Variants in CES5A observed in about 807,000 individuals in gnomAD.
The protein encoded by CES5A is carboxylesterase 5A.
Under a neutral mutation model 62.9 loss-of-function variants are expected in CES5A, and 67 were observed. The observed-to-expected ratio is 1.07, with a 90% CI of 0.88 to 1.31. CES5A has a LOEUF of 1.31. CES5A is among the 50% of genes most tolerant of loss of function. The pLI is 0.00. For synonymous variants in CES5A, 296 were observed against 280.8 expected, an observed-to-expected ratio of 1.05 and a Z score of -0.54; for missense variants, 748 against 708.5, an observed-to-expected ratio of 1.06 and a Z score of -0.63.
intron 1 of CES5A, among the ~76,000 whole-genome samples, chr16:55,916,721 C>T (rs1235143364): frequency 2.6e-5 from 4 of 152,188 alleles, no homozygotes; most frequent in African/African-American, 9.6e-5. Context: ...AAAGTAAACA[C>T]AGCTTTAGTG....
chr16:55,919,175 G>T (rs1471018898), intron 1 of CES5A, among the ~76,000 whole-genome samples: 1 of 152,262 alleles, frequency 6.6e-6, no homozygotes, highest in African/African-American at 2.4e-5. Context: ...TGAACAGGCT[G>T]AGTCGCCCCA....
At chr16:55,942,003 A>G (rs551273216) in intron 2 of CES5A, among the ~76,000 whole-genome samples, 5 of 152,324 alleles carry the variant, frequency 3.3e-5, no homozygotes, top group South Asian at 2.1e-4. Flanking sequence ...AATGTTTTTA[A>G]CAGAAGCGCT....
At chr16:55,924,744 T>G in intron 1 of CES5A, among the ~76,000 whole-genome samples, 1 of 151,538 alleles carries the variant, frequency 6.6e-6, no homozygotes, top group East Asian at 1.9e-4. Flanking sequence ...TGAAACAGAG[T>G]AGAGAACACA....
intron 9 of CES5A, among the ~76,000 whole-genome samples, chr16:55,854,314 T>C (rs1398252069): frequency 6.6e-6 from 1 of 152,080 alleles, no homozygotes; most frequent in Non-Finnish European, 1.5e-5. Context: ...CCCACTCTAC[T>C]TGAAATGTCC....
At chr16:55,922,329 T>C (rs908610908) in intron 1 of CES5A, among the ~76,000 whole-genome samples, 2 of 151,492 alleles carry the variant, frequency 1.3e-5, no homozygotes, top group Admixed American at 1.3e-4. Context: ...ACACAGAGAC[T>C]GAAAGTGAAA....
chr16:55,952,899 C>A (rs2034573641), intron 1 of CES5A, among the ~76,000 whole-genome samples: 1 of 152,150 alleles, frequency 6.6e-6, no homozygotes, highest in Non-Finnish European at 1.5e-5. Context: ...AAAAACTACT[C>A]TAACTCGTTC....
At chr16:55,874,185 A>T in intron 1 of CES5A, 148 bp from the exon 2 acceptor site, 1 of 696,970 alleles carries the variant, frequency 1.4e-6, no homozygotes, top group Non-Finnish European at 2.4e-6. Flanking sequence ...CCATGAATCC[A>T]GTTCCATGGC....
rs147591632 is a variant in CES5A at position 55,874,669 on chromosome 16, T to C, written c.73+480A>G. Among the ~76,000 whole-genome samples the C allele has an allele frequency of 6.0e-3, 915 of 152,310 alleles. 10 individuals carry two copies. The highest frequency in any genetic ancestry group is 0.017 in the African/African-American group (706 of 41,580). ...TACTTCCTGAAATCAACTCGTCTAC[T>C]TCCAGGAGCATAAAGATGGCACTTT... is the stretch of plus-strand genomic sequence containing the variant. On this transcript the variant is annotated intron_variant, in intron 1 of 12. Transcript: ENST00000290567.
At chr16:55,905,073 T>C (rs1287467830) in intron 1 of CES5A, among the ~76,000 whole-genome samples, 1 of 152,206 alleles carries the variant, frequency 6.6e-6, no homozygotes, top group Non-Finnish European at 1.5e-5. Flanking sequence ...CATGGCTACT[T>C]GAGTCTCAAG....
intron 4 of CES5A, among the ~76,000 whole-genome samples, chr16:55,867,680 G>A (rs2033492229): frequency 6.6e-6 from 1 of 152,104 alleles, no homozygotes; most frequent in Admixed American, 6.5e-5. Context: ...ATACCTTAGT[G>A]GTTACTATCT....
In CES5A at chr16:55,863,447, C is replaced by G. The variant is rs371382073; in HGVS notation, c.711G>C (p.Leu237=). ...AGAISVSSLI[L]SPMAKGLFHK... is the part of the protein sequence containing the mutation. ...GGAATAAGCCTTTGGCCATGGGAGA[C>G]AGTATCTGGAGAGAGAACACAGAAG... Residue 237 remains leucine (L), a synonymous_variant, in exon 6 of 13, where the codon CTG becomes CTC. Coordinates refer to ENST00000290567, the MANE Select transcript of CES5A (RefSeq NM_001143685.2). 259 of 1,560,190 alleles carry G rather than the reference C, an allele frequency of 1.7e-4. No homozygotes were observed. The highest frequency in any genetic ancestry group is 2.0e-4 in the Non-Finnish European group (231 of 1,132,622).
At chr16:55,870,321 A>G (rs2033557442) in intron 3 of CES5A, among the ~76,000 whole-genome samples, 1 of 151,928 alleles carries the variant, frequency 6.6e-6, no homozygotes, top group South Asian at 2.1e-4. Flanking sequence ...GAGGAGAAGG[A>G]GAAGAAGAAA....
chr16:55,915,278 T>C (rs946402610), intron 1 of CES5A, among the ~76,000 whole-genome samples: 2 of 152,192 alleles, frequency 1.3e-5, no homozygotes, highest in African/African-American at 2.4e-5. Flanking sequence ...AAGGCCCTAA[T>C]TGGATGCCAG....
upstream of CES5A, among the ~76,000 whole-genome samples, chr16:55,878,090 C>T (rs183704432): frequency 1.3e-5 from 2 of 152,144 alleles, no homozygotes; most frequent in Admixed American, 1.3e-4. Context: ...GAGACACAGA[C>T]CTTTGATAGG....
At position 55,898,651 on chromosome 16, in the gene CES5A, C is replaced by T. The variant is rs112949076; in HGVS notation, c.-255-24614G>A. On this transcript the variant is annotated intron_variant, in intron 1 of 12. Coordinates refer to the CES5A transcript ENST00000518005. Reference sequence around the variant, plus strand: ...TGCTTTAAAGTCTCATCTCCAATTACGGAAAAAAGGTTTCATCCTCATAAA... The same window carrying T: ...TGCTTTAAAGTCTCATCTCCAATTATGGAAAAAAGGTTTCATCCTCATAAA... Among the ~76,000 whole-genome samples the T allele has an allele frequency of 2.7e-3, 414 of 152,270 alleles. 1 individual carries two copies. Among genetic ancestry groups the T allele is most frequent in the Non-Finnish European group, 4.6e-3 (311 of 68,014 alleles).
chr16:55,931,151 C>T (rs953447112), intron 2 of CES5A, among the ~76,000 whole-genome samples: 1 of 152,216 alleles, frequency 6.6e-6, no homozygotes, highest in South Asian at 2.1e-4. Context: ...TTTTTCCACT[C>T]CACCCTCTGC....
chr16:55,903,061 A>T (rs909097913), intron 1 of CES5A, among the ~76,000 whole-genome samples: 8 of 152,214 alleles, frequency 5.3e-5, no homozygotes, highest in African/African-American at 1.9e-4. Flanking sequence ...ACTAGGCATC[A>T]GTCTGAAATG....
chr16:55,938,514 G>T (rs1462985595), intron 2 of CES5A, among the ~76,000 whole-genome samples: 1 of 151,456 alleles, frequency 6.6e-6, no homozygotes, highest in Non-Finnish European at 1.5e-5. Flanking sequence ...AAGGTGGGTG[G>T]ATCACAAGGT....
intron 1 of CES5A, among the ~76,000 whole-genome samples, chr16:55,908,014 G>A (rs1267026912): frequency 6.6e-6 from 1 of 152,086 alleles, no homozygotes. Context: ...ATATGCCACT[G>A]TCCCCAGAAG....
Sources: gnomAD v4.1 joint callset for allele counts (sites outside exome capture counted in the v4.1 genomes callset) on GRCh38, gnomAD v4.1.1 for gene constraint, MANE v1.5 for transcripts, NCBI Gene and HGNC (gene_info 2026-07-23, HGNC 2026-07-21) for gene names.